The following SLC25A20 variants were observed in gnomAD, a reference collection of about 807,000 sequenced individuals.
SLC25A20 encodes mitochondrial carnitine/acylcarnitine carrier protein.
A neutral mutation model predicts 39.7 loss-of-function variants in SLC25A20; 29 were observed. The observed-to-expected ratio is 0.73, with a 90% CI of 0.54 to 1.00. The LOEUF (loss-of-function observed/expected upper bound fraction) is 1.00. Among genes scored for constraint, SLC25A20 ranks in the 50% least tolerant of loss-of-function variants. The probability of loss-of-function intolerance (pLI) is 0.00; values close to 1 mark genes in which losing one functional copy is unlikely to be tolerated. For synonymous variants in SLC25A20, 103 were observed against 142.2 expected, an observed-to-expected ratio of 0.72 and a Z score of 1.96; for missense variants, 333 against 379.9, an observed-to-expected ratio of 0.88 and a Z score of 1.03.
At position 48,859,261 on chromosome 3, in the gene SLC25A20, A is replaced by G. The variant is rs2083604810; in HGVS notation, c.609-60T>C. The G allele has an allele frequency of 2.7e-6, 4 of 1,480,562 alleles. No individual in the cohort carries two copies. In the Admixed American group the frequency reaches 5.2e-5, roughly 19 times the overall value. The allele number at this position is 1,480,562 out of a possible 1,614,324, so 91.7% of individuals were successfully genotyped here. ...AGGCTGTGAGAGTGGCATTCAGACT[A>G]TCCTGCCTGTGGCAGACAGGGCAGT... On this transcript the variant is annotated intron_variant, in intron 6 of 8. Transcript: ENST00000319017.
intron 3 of SLC25A20, among the ~76,000 whole-genome samples, chr3:48,883,668 T>G (rs910619346): frequency 1.4e-5 from 2 of 146,096 alleles, no homozygotes; most frequent in African/African-American, 5.0e-5. Context: ...TTGCTCAGGT[T>G]GGAGTGCAGT....
chr3:48,867,410 A>ATTTTTTTTT, intron 4 of SLC25A20, among the ~76,000 whole-genome samples: 1 of 34,704 alleles, frequency 2.9e-5, no homozygotes, highest in African/African-American at 8.1e-5. Context: ...ATGCCTGGGT[A>ATTTTTTTTT]ATTTTTTTTT....
intron 4 of SLC25A20, among the ~76,000 whole-genome samples, chr3:48,870,175 G>A (rs577870462): frequency 8.6e-5 from 13 of 151,928 alleles, no homozygotes; most frequent in Non-Finnish European, 1.3e-4. Flanking sequence ...CGAGGCAGAC[G>A]GATCACTTGA....
At chr3:48,859,706 C>A in intron 5 of SLC25A20, 79 bp from the exon 6 acceptor site, 1 of 1,136,508 alleles carries the variant, frequency 8.8e-7, no homozygotes, top group South Asian at 1.2e-5. Flanking sequence ...GTAATCTCAG[C>A]AATTTAGGAG....
intron 3 of SLC25A20, among the ~76,000 whole-genome samples, chr3:48,880,571 C>T (rs915010994): frequency 5.9e-5 from 8 of 135,660 alleles, no homozygotes; most frequent in South Asian, 2.5e-4. Context: ...CCACTGTGCC[C>T]GGCTTTTTTT....
chr3:48,898,659 TC>T, intron 1 of SLC25A20, 30 bp downstream of exon 1: 1 of 1,565,178 alleles, frequency 6.4e-7, no homozygotes, highest in Non-Finnish European at 8.7e-7. Flanking sequence ...CCGGGCCTCC[TC>T]CCCAAAGCCT....
chr3:48,884,078 A>C lies in SLC25A20; in HGVS notation c.245T>G (p.Val82Gly), dbSNP rs1402001280. 6.2e-7 allele frequency: 1 copy of C among 1,613,756 alleles called. No individual in the cohort carries two copies. The highest frequency in any genetic ancestry group is 8.5e-7 in the Non-Finnish European group (1 of 1,179,872). ...GAAGCACACGGCAAACATGGGAGTG[A>C]CCCCGATGATAGGGGCAGCCATTCC... ...YRGMAAPIIG[V>G]TPMFAVCFFG... Residue 82 changes from valine (V) to glycine (G), a missense_variant, in exon 3 of 9, where the codon GTC becomes GGC. Val to Gly is a moderately radical substitution (Grantham distance 109). Transcript: ENST00000319017.
chr3:48,858,448 A>G, intron 8 of SLC25A20, 59 bp downstream of exon 8: 1 of 1,612,548 alleles, frequency 6.2e-7, no homozygotes, highest in Non-Finnish European at 8.5e-7. Context: ...GCAAAAGTCA[A>G]ACCACATGCA....
chr3:48,859,988 G>A (rs1174439862), intron 5 of SLC25A20, among the ~76,000 whole-genome samples: 1 of 152,114 alleles, frequency 6.6e-6, no homozygotes, highest in Non-Finnish European at 1.5e-5. Flanking sequence ...CCAATATGGC[G>A]AAAGCCTCGT....
At chr3:48,873,664 C>T (rs1427610787) in intron 4 of SLC25A20, among the ~76,000 whole-genome samples, 8 of 150,052 alleles carry the variant, frequency 5.3e-5, no homozygotes, top group Non-Finnish European at 1.5e-5. Context: ...AGAAAATCTT[C>T]AGGATCTAGG....
At chr3:48,873,968 CAAAAAAAA>C (rs11316117) in intron 4 of SLC25A20, among the ~76,000 whole-genome samples, 9 of 41,076 alleles carry the variant, frequency 2.2e-4, no homozygotes, top group Admixed American at 4.2e-4. Context: ...GACTCCATCT[CAAAAAAAA>C]AAAAAAAAAA....
intron 3 of SLC25A20, 79 bp downstream of exon 3, chr3:48,883,918 C>A: frequency 1.3e-6 from 2 of 1,570,844 alleles, no homozygotes; most frequent in Non-Finnish European, 1.7e-6. Flanking sequence ...GCCACCGCGC[C>A]CTGCCCAAGT....
At chr3:48,895,834 G>A (rs750694621) in intron 1 of SLC25A20, 6 of 456,478 alleles carry the variant, frequency 1.3e-5, no homozygotes, top group East Asian at 7.0e-5. Flanking sequence ...TAGAGAGAGA[G>A]AAATGGATCA....
chr3:48,892,038 C>G lies in SLC25A20; in HGVS notation c.140G>C (p.Gly47Ala). ...GGTCCCAGAGTACATGGGAGGTTGT[C>G]CAGGCAAACTCGGTGGCTGTGTCTG... ...RLQTQPPSLP[G>A]QPPMYSGTFD... The change falls in exon 2 of 9, where the codon GGA (glycine) becomes GCA (alanine). Residue 47 changes from glycine to alanine, a missense_variant. Coordinates refer to ENST00000319017, the MANE Select transcript of SLC25A20 (RefSeq NM_000387.6). 1 of 1,614,082 alleles carries G rather than the reference C, an allele frequency of 6.2e-7. No homozygotes were observed. The highest frequency in any genetic ancestry group is 8.5e-7 in the Non-Finnish European group (1 of 1,179,992).
At chr3:48,894,992 T>C (rs1026485091) in intron 1 of SLC25A20, among the ~76,000 whole-genome samples, 4 of 150,512 alleles carry the variant, frequency 2.7e-5, no homozygotes, top group African/African-American at 9.8e-5. Context: ...TAATTTTGCA[T>C]TTGTATATTT....
At chr3:48,857,885 C>T in intron 8 of SLC25A20, 113 bp from the exon 9 acceptor site, 1 of 827,990 alleles carries the variant, frequency 1.2e-6, no homozygotes, top group Non-Finnish European at 2.0e-6. Flanking sequence ...CCTAACCCCA[C>T]ACCCACTCCA....
At chr3:48,886,020 G>A (rs1268519035) in intron 2 of SLC25A20, among the ~76,000 whole-genome samples, 1 of 151,892 alleles carries the variant, frequency 6.6e-6, no homozygotes, top group African/African-American at 2.4e-5. Context: ...AGTTACACAA[G>A]GAATGGAATG....
chr3:48,872,639 C>T (rs895250803), intron 4 of SLC25A20, among the ~76,000 whole-genome samples: 1 of 149,350 alleles, frequency 6.7e-6, no homozygotes, highest in Admixed American at 6.7e-5. Flanking sequence ...ATGCTTGAGC[C>T]CAGGAGTTCG....
intron 3 of SLC25A20, among the ~76,000 whole-genome samples, chr3:48,883,016 T>C (rs1159243747): frequency 1.5e-5 from 2 of 130,640 alleles, no homozygotes; most frequent in Admixed American, 8.3e-5. Flanking sequence ...CGAAACCCCG[T>C]CTCTACTAAA....
Sources: allele counts gnomAD v4.1 joint callset (sites outside exome capture counted in the v4.1 genomes callset), GRCh38; gene constraint gnomAD v4.1.1; transcripts MANE v1.5; gene names NCBI Gene and HGNC (gene_info 2026-07-23, HGNC 2026-07-21).